Variants in ENO4 observed in about 807,000 individuals in gnomAD.
ENO4 encodes the protein 2-phospho-D-glycerate hydro-lyase.
Under a neutral mutation model 63.2 loss-of-function variants are expected in ENO4, and 53 were observed. That is an observed-to-expected ratio of 0.84 (90% CI 0.67 to 1.05). ENO4 has a LOEUF of 1.05. Among genes scored for constraint, ENO4 ranks in the 50% least tolerant of loss-of-function variants. The probability of loss-of-function intolerance (pLI) is 0.00; values close to 1 mark genes in which losing one functional copy is unlikely to be tolerated. For missense variants in ENO4, 719 were observed against 772.0 expected (o/e 0.93, Z 0.81); for synonymous variants, 266 against 283.8 (o/e 0.94, Z 0.63).
chr10:116,852,808 C>T (rs11197833), intron 1 of ENO4, among the ~76,000 whole-genome samples: 1 of 152,180 alleles, frequency 6.6e-6, no homozygotes, highest in Non-Finnish European at 1.5e-5. Flanking sequence ...GCCATCCCAG[C>T]TACGGCACTG....
At chr10:116,879,185 T>C in intron 11 of ENO4, 106 bp from the exon 12 acceptor site, 1 of 734,154 alleles carries the variant, frequency 1.4e-6, no homozygotes, top group Non-Finnish European at 2.2e-6. Context: ...AATTGACTCT[T>C]CACAGGGAAG....
intron 13 of ENO4, 45 bp downstream of exon 13, chr10:116,880,031 G>A: frequency 4.2e-6 from 6 of 1,416,298 alleles, no homozygotes; most frequent in South Asian, 1.3e-5. Flanking sequence ...CCATGAATAA[G>A]AGAACAAAGA....
At position 116,856,688 on chromosome 10, in the gene ENO4, G is replaced by A; in HGVS notation, c.485+6G>A. Reference sequence around the variant, plus strand: ...GAGGTGGATCACCTACTCAGGTACAGTTTCCACTTTGAAATATAAACATCA... The same window carrying A: ...GAGGTGGATCACCTACTCAGGTACAATTTCCACTTTGAAATATAAACATCA... On this transcript the variant is annotated splice_donor_region_variant and intron_variant, in intron 3 of 13. Coordinates refer to ENST00000341276, the MANE Select transcript of ENO4 (RefSeq NM_001242699.2). 6.6e-7 allele frequency: 1 copy of A among 1,510,708 alleles called. No individual in the cohort carries two copies. The highest frequency in any genetic ancestry group is 8.8e-7 in the Non-Finnish European group (1 of 1,133,918). 93.6% of individuals were successfully genotyped at this position (1,510,708 alleles called of 1,614,324 possible).
Position 116,850,754 on chromosome 10 carries a change from A to G in ENO4, c.165+1023A>G, listed in dbSNP as rs574326087. ...GTTTACTGAGCCCCTTGTGCTGCGT[A>G]CTGTAACTCAATCCTCAGTACCACT... On this transcript the variant is annotated intron_variant, in intron 1 of 13. Transcript: ENST00000341276. Among the ~76,000 whole-genome samples the G allele has an allele frequency of 8.7e-4, 133 of 152,284 alleles. 2 individuals are homozygous for G. The South Asian group carries it at 0.027, about 30-fold the overall frequency.
At position 116,871,160 on chromosome 10, in the gene ENO4, TTTAACCA is replaced by T; in HGVS notation, c.1089_1095del (p.Ile364ValfsTer4). 6.4e-7 allele frequency: 1 copy of T among 1,550,528 alleles called. No individual in the cohort carries two copies. Among genetic ancestry groups the T allele is most frequent in the Non-Finnish European group, 8.7e-7 (1 of 1,146,974 alleles). On this transcript the variant is annotated frameshift_variant, in exon 9 of 14. Transcript: ENST00000341276. LOFTEE classifies it high-confidence loss of function. Reference sequence around the variant, plus strand: ...CTGGCAAGATGTCTCATCTTGGCTGTTTAACCATTAACTGTGACTCCATAGAACAGCC... The same window carrying T: ...CTGGCAAGATGTCTCATCTTGGCTGTTTAACTGTGACTCCATAGAACAGCC...
At chr10:116,858,003 T>C (rs1846314454) in intron 3 of ENO4, among the ~76,000 whole-genome samples, 1 of 152,134 alleles carries the variant, frequency 6.6e-6, no homozygotes, top group Non-Finnish European at 1.5e-5. Context: ...TATTCCTTTT[T>C]TTTCCCCCTT....
chr10:116,901,787 T>C, intron 10 of ENO4: 2 of 1,603,084 alleles, frequency 1.2e-6, no homozygotes, highest in Non-Finnish European at 1.7e-6. Flanking sequence ...TTGGAACTTG[T>C]GCATCCTTCC....
chr10:116,895,122 T>C (rs1273936140), intron 10 of ENO4, among the ~76,000 whole-genome samples: 1 of 152,182 alleles, frequency 6.6e-6, no homozygotes, highest in Non-Finnish European at 1.5e-5. Flanking sequence ...AGAATGTATG[T>C]TTTTCAACTA....
In ENO4 at chr10:116,906,867, A is replaced by T. The variant is rs1384434365; in HGVS notation, c.1195-4632A>T. On this transcript the variant is annotated intron_variant, in intron 10 of 10. Coordinates refer to the ENO4 transcript ENST00000369207. ...TTGAATGGAATTATGAAACAAAATGAATTTGCTATATATTAATATTTTTTA... is the reference window on the plus strand; with the variant it reads ...TTGAATGGAATTATGAAACAAAATGTATTTGCTATATATTAATATTTTTTA... The T allele has an allele frequency of 5.2e-6, 4 of 775,716 alleles. No homozygotes were observed. The Admixed American group carries it at 1.4e-4, about 27-fold the overall frequency. The allele number at this position is 775,716 out of a possible 1,614,324, so 48.1% of individuals were successfully genotyped here.
At position 116,879,839 on chromosome 10, in the gene ENO4, G is replaced by A. The variant is rs190540561; in HGVS notation, c.1606-30G>A. On this transcript the variant is annotated intron_variant, in intron 12 of 13. Transcript: ENST00000341276. Reference sequence around the variant, plus strand: ...TCGTTTAGCAAGACATGGCTCCTCCGTCTAAAATTAGTTTTTTCCCCCCTT... The same window carrying A: ...TCGTTTAGCAAGACATGGCTCCTCCATCTAAAATTAGTTTTTTCCCCCCTT... 1.1e-4 allele frequency: 160 copies of A among 1,494,246 alleles called. 2 individuals carry two copies. Among genetic ancestry groups the A allele is most frequent in the South Asian group, 1.0e-3 (82 of 81,800 alleles). The allele number at this position is 1,494,246 out of a possible 1,614,324, so 92.6% of individuals were successfully genotyped here.
At chr10:116,891,182 TGAAC>T (rs1358610147) in intron 10 of ENO4, among the ~76,000 whole-genome samples, 1 of 152,250 alleles carries the variant, frequency 6.6e-6, no homozygotes, top group Non-Finnish European at 1.5e-5. Flanking sequence ...TTACAGTGAA[TGAAC>T]TTTTAAGCGG....
intron 10 of ENO4, among the ~76,000 whole-genome samples, chr10:116,889,441 C>A (rs906328759): frequency 1.3e-5 from 2 of 152,176 alleles, no homozygotes; most frequent in African/African-American, 4.8e-5. Flanking sequence ...GCGCAGTGGG[C>A]ATTTTCTGAA....
chr10:116,849,653 G>T lies in ENO4; in HGVS notation c.87G>T (p.Glu29Asp). Residue 29 changes from glutamate (E) to aspartate (D), a missense_variant, in exon 1 of 14, where the codon GAG becomes GAT. Physicochemically the swap from Glu to Asp is conservative, Grantham distance 45. Coordinates refer to ENST00000341276, the MANE Select transcript of ENO4 (RefSeq NM_001242699.2). Reference sequence around the variant, plus strand: ...AGCAGGCGATGGAGTACTACCGGGAGAACGACGTTCCGCGCAGGCTGGAAG... The same window carrying T: ...AGCAGGCGATGGAGTACTACCGGGATAACGACGTTCCGCGCAGGCTGGAAG... ...LKQQAMEYYRENDVPRRLEEL... is the reference protein window; with the variant it reads ...LKQQAMEYYRDNDVPRRLEEL... The T allele has an allele frequency of 6.5e-7, 1 of 1,550,262 alleles. No homozygotes were observed. Among genetic ancestry groups the T allele is most frequent in the Non-Finnish European group, 8.7e-7 (1 of 1,146,814 alleles).
At chr10:116,864,005 G>T (rs2133259984) in intron 7 of ENO4, among the ~76,000 whole-genome samples, 1 of 152,310 alleles carries the variant, frequency 6.6e-6, no homozygotes, top group East Asian at 1.9e-4. Flanking sequence ...CTATAAAATG[G>T]AGATGATCAG....
At chr10:116,889,390 T>C (rs538616060) in intron 10 of ENO4, among the ~76,000 whole-genome samples, 9 of 152,330 alleles carry the variant, frequency 5.9e-5, no homozygotes, top group Admixed American at 1.3e-4. Context: ...AAGTCACTTA[T>C]AGGCTACAAT....
chr10:116,880,545 T>A (rs968730717), intron 13 of ENO4, among the ~76,000 whole-genome samples: 10 of 152,190 alleles, frequency 6.6e-5, no homozygotes, highest in Admixed American at 4.6e-4. Context: ...ATATTACTGA[T>A]TGTGATGGCC....
At chr10:116,898,057 G>A (rs1378129067) in intron 10 of ENO4, among the ~76,000 whole-genome samples, 1 of 152,168 alleles carries the variant, frequency 6.6e-6, no homozygotes, top group Non-Finnish European at 1.5e-5. Context: ...GCTGAGCGTG[G>A]TGGCTCATCC....
chr10:116,894,633 C>T (rs191053713), intron 10 of ENO4, among the ~76,000 whole-genome samples: 152 of 152,222 alleles, frequency 1.0e-3, no homozygotes, highest in Non-Finnish European at 1.5e-3. Flanking sequence ...AACAGGAGTT[C>T]CCTTTCGAAG....
At chr10:116,863,356 TCACACACACACA>T (rs10646641) in intron 7 of ENO4, among the ~76,000 whole-genome samples, 2 of 147,298 alleles carry the variant, frequency 1.4e-5, no homozygotes, top group South Asian at 2.2e-4. Context: ...CTGTGGGGCT[TCACACACACACA>T]CACACACACA....
Sources: gnomAD v4.1 joint callset for allele counts (sites outside exome capture counted in the v4.1 genomes callset) on GRCh38, gnomAD v4.1.1 for gene constraint, MANE v1.5 for transcripts, NCBI Gene and HGNC (gene_info 2026-07-23, HGNC 2026-07-21) for gene names.